SPG11: variants seen among roughly 807,000 people sequenced by gnomAD.
SPG11 encodes the protein spatacsin.
In SPG11, 222 loss-of-function variants were observed where a neutral mutation model predicts 274.0. The observed-to-expected ratio is 0.81, with a 90% CI of 0.73 to 0.91. The LOEUF (loss-of-function observed/expected upper bound fraction) is 0.91, where lower values mean the gene tolerates loss of function less well. Ranked by LOEUF, SPG11 falls within the 40% of genes least tolerant of loss-of-function variation. The probability of loss-of-function intolerance (pLI) is 0.00; values close to 1 mark genes in which losing one functional copy is unlikely to be tolerated. For missense variants in SPG11, 3,114 were observed against 2,872.7 expected (o/e 1.08, Z -1.92); for synonymous variants, 1,144 against 1,039.7 (o/e 1.10, Z -1.93).
rs1201497948 is a variant in SPG11, at chr15:44,613,469, A to T, written c.3106T>A (p.Phe1036Ile). The T allele has an allele frequency of 1.9e-6, 3 of 1,613,932 alleles. No individual in the cohort carries two copies. The highest frequency in any genetic ancestry group is 2.5e-6 in the Non-Finnish European group (3 of 1,179,948). ...ELHEAHPWFE[F>I]LVQCRQVASN... The stretch of plus-strand genomic sequence containing the variant: ...GCAACTTGTCGACACTGAACTAAAA[A>T]TTCAAACCAAGGGTGTGCTTCATGT... The change falls in exon 17 of 40, where the codon TTT (phenylalanine) becomes ATT (isoleucine). Residue 1036 changes from phenylalanine (F) to isoleucine (I), a missense_variant. Phe to Ile is a conservative substitution (Grantham distance 21). Transcript: ENST00000261866.
chr15:44,566,404 C>T, intron 36 of SPG11, 99 bp from the exon 37 acceptor site: 1 of 1,217,502 alleles, frequency 8.2e-7, no homozygotes. Context: ...AACATCCCAG[C>T]CATGTTCACA....
At chr15:44,573,408 TAAAC>T in intron 32 of SPG11, 135 bp downstream of exon 32, 1 of 881,048 alleles carries the variant, frequency 1.1e-6, no homozygotes, top group Non-Finnish European at 1.8e-6. Context: ...TTGTTTTATT[TAAAC>T]AAAATACATT....
At position 44,584,264 on chromosome 15, in the gene SPG11, T is replaced by C. The variant is rs1427065816; in HGVS notation, c.5416A>G (p.Ile1806Val). The change falls in exon 30 of 40, where the codon ATC becomes GTC. Residue 1806 changes from isoleucine to valine, a missense_variant. Coordinates refer to ENST00000261866, the MANE Select transcript of SPG11 (RefSeq NM_025137.4). ...TTTCTTCCAAGAGTGTGCTGGGTGA[T>C]GCGGCACAGCCAGATCTGCTTCTCC... ...ELEKQIWLCR[I>V]TQHTLGRNQE... 9 of 1,613,996 alleles carry C rather than the reference T, an allele frequency of 5.6e-6. No homozygotes were observed. Among genetic ancestry groups the C allele is most frequent in the Non-Finnish European group, 7.6e-6 (9 of 1,180,002 alleles).
At chr15:44,611,250 A>G (rs775079422) in intron 17 of SPG11, among the ~76,000 whole-genome samples, 6 of 152,194 alleles carry the variant, frequency 3.9e-5, no homozygotes, top group African/African-American at 7.2e-5. Flanking sequence ...AATTGTAACA[A>G]ATGACAACCT....
chr15:44,579,827 G>A (rs1343412465), intron 30 of SPG11, among the ~76,000 whole-genome samples: 1 of 152,166 alleles, frequency 6.6e-6, no homozygotes, highest in South Asian at 2.1e-4. Flanking sequence ...TATACAGTGA[G>A]GATCCTGTAA....
Position 44,598,651 on chromosome 15 carries a change from C to T in SPG11, c.3872G>A (p.Ser1291Asn). The stretch of plus-strand genomic sequence containing the variant: ...TGTACCTACAGACTCTCTGATAAAG[C>T]TGTACTGAGCATCTTCATTTCTGCA... Reference protein sequence around the residue: ...YKCRNEDAQYSFIRESVAEKL... With the variant: ...YKCRNEDAQYNFIRESVAEKL... The change falls in exon 22 of 40, where the codon AGC (serine) becomes AAC (asparagine). Residue 1291 changes from serine to asparagine, a missense_variant. Ser to Asn is a conservative substitution (Grantham distance 46). Transcript: ENST00000261866. 2 of 1,614,196 alleles carry T rather than the reference C, an allele frequency of 1.2e-6. No homozygotes were observed. The highest frequency in any genetic ancestry group is 1.7e-6 in the Non-Finnish European group (2 of 1,180,030).
In SPG11 at chr15:44,573,656, G is replaced by T; in HGVS notation, c.6096C>A (p.Cys2032Ter). The change falls in exon 32 of 40, where the codon TGC becomes TGA. Residue 2032 changes from cysteine (C) to a stop codon, truncating the protein, a stop_gained. Transcript: ENST00000261866. LOFTEE classifies it high-confidence loss of function. ...KILASQQPDR[C>*]KRAQAFISTQ... ...TGCTGATGAAGGCCTGGGCTCGTTT[G>T]CATCGGTCAGGCTGCTGAGAGGCCA... 1 of 1,614,212 alleles carries T rather than the reference G, an allele frequency of 6.2e-7. No individual in the cohort carries two copies. Among genetic ancestry groups the T allele is most frequent in the Non-Finnish European group, 8.5e-7 (1 of 1,180,042 alleles).
At chr15:44,617,631 G>C (rs1459930494) in intron 15 of SPG11, among the ~76,000 whole-genome samples, 1 of 152,030 alleles carries the variant, frequency 6.6e-6, no homozygotes, top group African/African-American at 2.4e-5. Context: ...TTTGATATCT[G>C]GTAGGGCAAG....
rs200939573 is a variant in SPG11 at position 44,663,625 on chromosome 15, G to A, written c.23C>T (p.Ala8Val). The change falls in exon 1 of 40, where the codon GCG becomes GTG. Residue 8 changes from alanine (A) to valine (V), a missense_variant. Coordinates refer to ENST00000261866, the MANE Select transcript of SPG11 (RefSeq NM_025137.4). ...GCTACCGCCGGCGGAAGCAGCACTC[G>A]CGACCCCTTCCTCTGCAGCCATCTT... MAAEEGV[A>V]SAASAGGSWG... 1.7e-5 allele frequency: 27 copies of A among 1,595,948 alleles called. No individual in the cohort carries two copies. The highest frequency in any genetic ancestry group is 2.2e-5 in the East Asian group (1 of 44,636).
At position 44,584,204 on chromosome 15, in the gene SPG11, T is replaced by C. The variant is rs1251056690; in HGVS notation, c.5476A>G (p.Ile1826Val). Residue 1826 changes from isoleucine (I) to valine (V), a missense_variant, in exon 30 of 40, where the codon ATC becomes GTC. Transcript: ENST00000261866. ...EETEPRFSRQISTSGELSFDS... is the reference protein window; with the variant it reads ...EETEPRFSRQVSTSGELSFDS... ...AAGGAAAGTTCACCACTAGTTGAGA[T>C]CTGTCGAGAAAATCTGGGCTCTGTT... is the stretch of plus-strand genomic sequence containing the variant. 6.2e-7 allele frequency: 1 copy of C among 1,614,210 alleles called. No homozygotes were observed. The highest frequency in any genetic ancestry group is 1.3e-5 in the African/African-American group (1 of 75,074).
rs377328627 is a variant in SPG11 at position 44,614,770 on chromosome 15, C to T, written c.3038+593G>A. Among the ~76,000 whole-genome samples the T allele has an allele frequency of 1.4e-3, 215 of 152,276 alleles. No individual in the cohort carries two copies. In the Middle Eastern group the frequency reaches 0.031, roughly 22 times the overall value. ...GAGATAATGCATATAAAGTACTTAGCTTAGTGCCAACATTGTAAACACTCA... is the reference window on the plus strand; with the variant it reads ...GAGATAATGCATATAAAGTACTTAGTTTAGTGCCAACATTGTAAACACTCA... On this transcript the variant is annotated intron_variant, in intron 16 of 39. Transcript: ENST00000261866.
chr15:44,603,652 G>A (rs2083250015), intron 20 of SPG11, among the ~76,000 whole-genome samples: 1 of 152,074 alleles, frequency 6.6e-6, no homozygotes, highest in Non-Finnish European at 1.5e-5. Flanking sequence ...GTCATCTCTT[G>A]GTATCCATGG....
At chr15:44,638,554 A>C (rs1382635850) in intron 7 of SPG11, among the ~76,000 whole-genome samples, 3 of 147,496 alleles carry the variant, frequency 2.0e-5, no homozygotes, top group Non-Finnish European at 4.5e-5. Context: ...TGATAATTTA[A>C]GTATGTACAT....
At position 44,659,093 on chromosome 15, in the gene SPG11, C is replaced by A; in HGVS notation, c.653G>T (p.Ser218Ile). 6.2e-7 allele frequency: 1 copy of A among 1,614,158 alleles called. No individual in the cohort carries two copies. The highest frequency in any genetic ancestry group is 8.5e-7 in the Non-Finnish European group (1 of 1,180,016). ...LCRGILFVLS[S>I]LGWIYIFDVV... The stretch of plus-strand genomic sequence containing the variant: ...ACCAAGGATACAGATCCAGCCTAAA[C>A]TACTCAAAACAAAAAGAATTCCTCT... Residue 218 changes from serine to isoleucine, a missense_variant, in exon 3 of 40, where the codon AGT becomes ATT. Transcript: ENST00000261866.
At chr15:44,617,566 G>A (rs963513311) in intron 15 of SPG11, among the ~76,000 whole-genome samples, 1 of 152,138 alleles carries the variant, frequency 6.6e-6, no homozygotes, top group Non-Finnish European at 1.5e-5. Flanking sequence ...TCACACTTCT[G>A]TTCTCTACCC....
In SPG11 at chr15:44,663,640, G is replaced by A. The variant is rs750206191; in HGVS notation, c.8C>T (p.Ala3Val). 2 of 1,594,512 alleles carry A rather than the reference G, an allele frequency of 1.3e-6. No homozygotes were observed. Among genetic ancestry groups the A allele is most frequent in the Admixed American group, 3.4e-5 (2 of 58,988 alleles). The change falls in exon 1 of 40, where the codon GCA (alanine) becomes GTA (valine). Residue 3 changes from alanine (A) to valine (V), a missense_variant. Physicochemically the swap from Ala to Val is moderately conservative, Grantham distance 64. Transcript: ENST00000261866. MAAEEGVASAASA... is the reference protein window; with the variant it reads MAVEEGVASAASA... ...AGCAGCACTCGCGACCCCTTCCTCT[G>A]CAGCCATCTTGGCCCGGCGGTTACT...
Position 44,567,419 on chromosome 15 carries a change from C to T in SPG11, c.6754+5G>A. ...TTCTGGTAGTGTGGCTGTGACCTCA[C>T]TCACCCCAGGGCTGAGACTCAATCA... On this transcript the variant is annotated splice_donor_5th_base_variant and intron_variant, in intron 36 of 39. Coordinates refer to ENST00000261866, the MANE Select transcript of SPG11 (RefSeq NM_025137.4). 1 of 1,611,146 alleles carries T rather than the reference C, an allele frequency of 6.2e-7. No homozygotes were observed.
At chr15:44,652,789 G>A (rs1319192033) in intron 4 of SPG11, among the ~76,000 whole-genome samples, 1 of 151,920 alleles carries the variant, frequency 6.6e-6, no homozygotes, top group Non-Finnish European at 1.5e-5. Flanking sequence ...CGAGTAGCTG[G>A]GACTGCAGGT....
chr15:44,632,494 A>G (rs1470291841), intron 8 of SPG11, among the ~76,000 whole-genome samples: 1 of 152,152 alleles, frequency 6.6e-6, no homozygotes, highest in East Asian at 1.9e-4. Context: ...TAATATGGCA[A>G]AAAAGCAGAG....
Sources: gnomAD v4.1 joint callset for allele counts (sites outside exome capture counted in the v4.1 genomes callset) on GRCh38, gnomAD v4.1.1 for gene constraint, MANE v1.5 for transcripts, NCBI Gene and HGNC (gene_info 2026-07-23, HGNC 2026-07-21) for gene names.